The following TMPRSS6 variants were observed in gnomAD, a reference collection of about 807,000 sequenced individuals.
The protein encoded by TMPRSS6 is transmembrane serine protease 6.
In TMPRSS6, 67 loss-of-function variants were observed where a neutral mutation model predicts 101.5. That is an observed-to-expected ratio of 0.66 (90% CI 0.54 to 0.81). The LOEUF is 0.81. TMPRSS6 is among the 30% of genes least tolerant of loss of function. TMPRSS6 has a pLI of 0.00. For synonymous variants in TMPRSS6, 453 were observed against 464.9 expected (o/e 0.97, Z 0.33); for missense variants, 1,034 against 1,088.7 (o/e 0.95, Z 0.71).
chr22:37,107,945 G>A (rs1038140446), intron 1 of TMPRSS6, among the ~76,000 whole-genome samples: 1 of 152,164 alleles, frequency 6.6e-6, no homozygotes, highest in African/African-American at 2.4e-5. Flanking sequence ...GCAGAGTCTG[G>A]TACTCAGCGG....
At chr22:37,086,493 G>A in intron 7 of TMPRSS6, 74 bp from the exon 8 acceptor site, 4 of 1,502,734 alleles carry the variant, frequency 2.7e-6, no homozygotes, top group South Asian at 2.4e-5. Flanking sequence ...GCAGGCGGCT[G>A]CTGGGGGAGG....
chr22:37,074,354 A>G (rs1601526931), intron 12 of TMPRSS6, among the ~76,000 whole-genome samples: 1 of 151,998 alleles, frequency 6.6e-6, no homozygotes, highest in African/African-American at 2.4e-5. Flanking sequence ...GCTGGGGGTG[A>G]TGGCCCTGAG....
In TMPRSS6 at chr22:37,066,871, G is replaced by T. The variant is rs370074337; in HGVS notation, c.2205C>A (p.Arg735=). The T allele has an allele frequency of 1.4e-5, 22 of 1,614,064 alleles. No homozygotes were observed. In the African/African-American group the frequency reaches 2.3e-4, roughly 17 times the overall value. ...CCTTGCGGTAGCCGGCACACAGCAT[G>T]CGTGGCGTCACCTGGTAGCGATAGA... is the stretch of plus-strand genomic sequence containing the variant. The part of the protein sequence containing the change: ...SEVYRYQVTP[R]MLCAGYRKGK... The change falls in exon 17 of 18, where the codon CGC becomes CGA. Residue 735 remains arginine, a synonymous_variant. Coordinates refer to ENST00000676104, the MANE Select transcript of TMPRSS6 (RefSeq NM_001374504.1).
chr22:37,070,296 G>A (rs542154590), intron 15 of TMPRSS6, among the ~76,000 whole-genome samples, 188 bp downstream of exon 15: 64 of 152,278 alleles, frequency 4.2e-4, no homozygotes, highest in Non-Finnish European at 8.4e-4. Flanking sequence ...GCAGAGAGGT[G>A]GAACAATGTG....
At chr22:37,102,290 G>GCCTTGGCA (rs1375485719) in intron 2 of TMPRSS6, among the ~76,000 whole-genome samples, 1 of 152,216 alleles carries the variant, frequency 6.6e-6, no homozygotes, top group African/African-American at 2.4e-5. Context: ...TAGCGTAAAT[G>GCCTTGGCA]TCAGGTCTGA....
chr22:37,069,598 A>G lies in TMPRSS6; in HGVS notation c.1842-254T>C, dbSNP rs1926698511. ...GGGTGTGCCTCTCTAAGCCTCTGCC[A>G]CCTCATCTGCAAATGGGAATGGCAT... is the stretch of plus-strand genomic sequence containing the variant. On this transcript the variant is annotated intron_variant, in intron 15 of 17. Coordinates refer to ENST00000676104, the MANE Select transcript of TMPRSS6 (RefSeq NM_001374504.1). This position sits in a 1 kb window ranked among gnomAD's most constrained non-coding sequence, Gnocchi z 4.8. Among the ~76,000 whole-genome samples the G allele has an allele frequency of 6.6e-6, 1 of 152,084 alleles. No individual in the cohort carries two copies. The highest frequency in any genetic ancestry group is 2.4e-5 in the African/African-American group (1 of 41,410).
chr22:37,068,658 G>A lies in TMPRSS6; in HGVS notation c.2113+415C>T. On this transcript the variant is annotated intron_variant, in intron 16 of 17. Transcript: ENST00000676104. ...CCTTGGTTTCTCCATCCATAAAATA[G>A]GGCCACAGCATCCGCCCGTAGGGCT... is the stretch of plus-strand genomic sequence containing the variant. 3.8e-6 allele frequency: 3 copies of A among 779,668 alleles called. No homozygotes were observed. The South Asian group carries it at 4.0e-5, about 10-fold the overall frequency. 48.3% of individuals were successfully genotyped at this position (779,668 alleles called of 1,614,324 possible). A position where few individuals can be genotyped will look rare whatever the true frequency, so the allele number is the denominator to read the frequency against.
Position 37,096,665 on chromosome 22 carries a change from G to A in TMPRSS6, c.387C>T (p.Ser129=), listed in dbSNP as rs1231469686. The change falls in exon 4 of 18, where the codon AGC becomes AGT. Residue 129 remains serine (S), a synonymous_variant. Transcript: ENST00000676104. The part of the protein sequence containing the change: ...STRLGTYYNS[S]SVYSFGEGPL... ...CAACTCACCCAAAGGAATAGACGGA[G>A]CTGGAGTTGTAGTAAGTTCCCAGGC... 1 of 1,565,674 alleles carries A rather than the reference G, an allele frequency of 6.4e-7. No homozygotes were observed. The highest frequency in any genetic ancestry group is 8.7e-7 in the Non-Finnish European group (1 of 1,154,036).
chr22:37,078,722 G>A (rs1426418942), intron 10 of TMPRSS6, among the ~76,000 whole-genome samples: 1 of 148,914 alleles, frequency 6.7e-6, no homozygotes, highest in Non-Finnish European at 1.5e-5. Flanking sequence ...GGAGGCGGAG[G>A]AGAAGAAGAA....
chr22:37,105,576 G>A (rs1394350889), intron 1 of TMPRSS6, among the ~76,000 whole-genome samples: 1 of 152,208 alleles, frequency 6.6e-6, no homozygotes, highest in African/African-American at 2.4e-5. Context: ...AAGGTTTGCT[G>A]GATTGGGAAG....
rs76970337 is a variant in TMPRSS6, at chr22:37,070,961, C to A, written c.1627G>T (p.Asp543Tyr). ...CCGTCCCTGCAGTCGGGCCGCCCAT[C>A]ACACTGCGGGTTGGGCTTCTTCACG... ...SCVKKPNPQC[D>Y]GRPDCRDGSD... is the part of the protein sequence containing the mutation. The change falls in exon 14 of 18, where the codon GAT becomes TAT. Residue 543 changes from aspartate to tyrosine, a missense_variant. Physicochemically the swap from Asp to Tyr is radical, Grantham distance 160. Transcript: ENST00000676104. 2 of 1,613,400 alleles carry A rather than the reference C, an allele frequency of 1.2e-6. No homozygotes were observed. The highest frequency in any genetic ancestry group is 2.2e-5 in the South Asian group (2 of 91,074).
intron 7 of TMPRSS6, among the ~76,000 whole-genome samples, chr22:37,088,255 A>G (rs907011264): frequency 3.9e-5 from 6 of 152,094 alleles, no homozygotes; most frequent in African/African-American, 1.2e-4. Flanking sequence ...TCGAGGTCAC[A>G]CCCAGCAGGA....
At position 37,070,899 on chromosome 22, in the gene TMPRSS6, A is replaced by G. The variant is rs1040044959; in HGVS notation, c.1672+17T>C. On this transcript the variant is annotated intron_variant, in intron 14 of 17. Coordinates refer to ENST00000676104, the MANE Select transcript of TMPRSS6 (RefSeq NM_001374504.1). ...CCCTCCCAAGCTCCAGGGCCCCGGC[A>G]GCCAGGCAGGGCTCACCACAGTGCT... The G allele has an allele frequency of 3.7e-6, 6 of 1,610,940 alleles. No individual in the cohort carries two copies. The South Asian group carries it at 5.5e-5, about 15-fold the overall frequency.
chr22:37,106,775 G>C (rs889956060), intron 1 of TMPRSS6, among the ~76,000 whole-genome samples: 1 of 152,180 alleles, frequency 6.6e-6, no homozygotes, highest in Non-Finnish European at 1.5e-5. Context: ...CCTCCTCGTG[G>C]CTATAACTTC....
In TMPRSS6 at chr22:37,073,625, A is replaced by G. The variant is rs766757544; in HGVS notation, c.1462T>C (p.Cys488Arg). Residue 488 changes from cysteine to arginine, a missense_variant, in exon 13 of 18, where the codon TGC becomes CGC. Cys to Arg is a radical substitution (Grantham distance 180). Transcript: ENST00000676104. ...RNCVCRATFQCKEDSTCISLP... is the reference protein window; with the variant it reads ...RNCVCRATFQRKEDSTCISLP... ...GAGATGCATGTGCTGTCCTCTTTGC[A>G]CTGGAATGTGGCTCTGCAAACTGTG... The G allele has an allele frequency of 1.1e-5, 18 of 1,613,778 alleles. No homozygotes were observed. Among genetic ancestry groups the G allele is most frequent in the Non-Finnish European group, 1.4e-5 (17 of 1,179,812 alleles).
At chr22:37,108,144 G>A (rs1346385069) in intron 1 of TMPRSS6, among the ~76,000 whole-genome samples, 1 of 152,204 alleles carries the variant, frequency 6.6e-6, no homozygotes, top group Admixed American at 6.5e-5. Flanking sequence ...ACAATGGGAT[G>A]GTAGCAAACA....
At position 37,075,288 on chromosome 22, in the gene TMPRSS6, G is replaced by T. The variant is rs1475822718; in HGVS notation, c.1197-8C>A. Reference sequence around the variant, plus strand: ...ATGCGCAAGCCACACAGCCTGGGGGGAGTCAGAGACGACTCAGGGCTGCAC... The same window carrying T: ...ATGCGCAAGCCACACAGCCTGGGGGTAGTCAGAGACGACTCAGGGCTGCAC... On this transcript the variant is annotated splice_region_variant and splice_polypyrimidine_tract_variant and intron_variant, in intron 10 of 17. Coordinates refer to ENST00000676104, the MANE Select transcript of TMPRSS6 (RefSeq NM_001374504.1). The T allele has an allele frequency of 4.3e-6, 7 of 1,613,366 alleles. No individual in the cohort carries two copies. The East Asian group carries it at 8.9e-5, about 21-fold the overall frequency.
At chr22:37,073,733 T>C in intron 12 of TMPRSS6, 88 bp from the exon 13 acceptor site, 1 of 823,656 alleles carries the variant, frequency 1.2e-6, no homozygotes, top group Non-Finnish European at 2.2e-6. Flanking sequence ...GTGTGCTGTA[T>C]TGCACGTTAC....
At chr22:37,082,300 C>A (rs1246082556) in intron 10 of TMPRSS6, among the ~76,000 whole-genome samples, 4 of 152,322 alleles carry the variant, frequency 2.6e-5, no homozygotes, top group Admixed American at 6.5e-5. Flanking sequence ...CCGAACCCCC[C>A]ACAACCCCTG....
Sources: allele counts gnomAD v4.1 joint callset (sites outside exome capture counted in the v4.1 genomes callset), GRCh38; gene constraint gnomAD v4.1.1; non-coding constraint Gnocchi (gnomAD v3.1); transcripts MANE v1.5; gene names NCBI Gene and HGNC (gene_info 2026-07-23, HGNC 2026-07-21).